The following OPCML variants were observed in gnomAD, a reference collection of about 807,000 sequenced individuals.
OPCML encodes the protein opioid-binding protein/cell adhesion molecule.
In OPCML, 13 loss-of-function variants were observed where a neutral mutation model predicts 37.8. The ratio of observed to expected loss-of-function variants is 0.34; its 90% CI spans 0.22 to 0.55. OPCML has a LOEUF of 0.55. OPCML is among the 20% of genes least tolerant of loss of function. The pLI, the probability that OPCML is intolerant of heterozygous loss-of-function variation, is 0.91. For synonymous variants in OPCML, 176 were observed against 168.8 expected (o/e 1.04, Z -0.33); for missense variants, 341 against 435.6 (o/e 0.78, Z 1.93).
At position 132,537,039 on chromosome 11, in the gene OPCML, A is replaced by G. The variant is rs540731761; in HGVS notation, c.380-7853T>C. 1.0e-3 allele frequency among the ~76,000 whole-genome samples: 152 copies of G among 152,294 alleles called. 3 individuals carry two copies. The South Asian group carries it at 0.03, about 31-fold the overall frequency. On this transcript the variant is annotated intron_variant, in intron 3 of 7. Coordinates refer to ENST00000524381, the MANE Select transcript of OPCML (RefSeq NM_001012393.5). ...TTCTGGTCTAAAACCCTGGGAGCCG[A>G]TGGTCTTTCAGCAACAAGTTGGGTC...
intron 2 of OPCML, among the ~76,000 whole-genome samples, chr11:132,743,662 G>A (rs1250872409): frequency 6.6e-6 from 1 of 152,142 alleles, no homozygotes; most frequent in Non-Finnish European, 1.5e-5. Context: ...TTAGAATCCA[G>A]ATTAAAACAT....
At chr11:133,272,979 A>G (rs200762942) in intron 1 of OPCML, among the ~76,000 whole-genome samples, 1 of 152,176 alleles carries the variant, frequency 6.6e-6, no homozygotes, top group East Asian at 1.9e-4. Flanking sequence ...ATAAGATGAC[A>G]GTCTAGAACA....
At chr11:133,531,500 C>T (rs541194866) in intron 1 of OPCML, among the ~76,000 whole-genome samples, 4 of 152,154 alleles carry the variant, frequency 2.6e-5, no homozygotes, top group East Asian at 3.9e-4. Flanking sequence ...ATATTCCTGA[C>T]GTAAGGAACA....
At chr11:133,445,232 C>T (rs1326826498) in intron 1 of OPCML, among the ~76,000 whole-genome samples, 1 of 152,204 alleles carries the variant, frequency 6.6e-6, no homozygotes, top group African/African-American at 2.4e-5. Context: ...AACCCATCTA[C>T]ACAATTTCAG....
intron 1 of OPCML, chr11:133,421,387 CAGA>C (rs1215010311): frequency 4.1e-6 from 4 of 985,254 alleles, no homozygotes; most frequent in East Asian, 1.1e-4. Flanking sequence ...ACTCGGAGAC[CAGA>C]AGAAGAGAAA....
chr11:133,263,829 C>T (rs1316061622), intron 1 of OPCML, among the ~76,000 whole-genome samples: 3 of 152,144 alleles, frequency 2.0e-5, no homozygotes, highest in African/African-American at 7.2e-5. Flanking sequence ...ATTCCCCACT[C>T]CAAAAATCTG....
Position 133,057,920 on chromosome 11 carries a change from C to T in OPCML, c.62-114910G>A, listed in dbSNP as rs74415999. 2.3e-3 allele frequency among the ~76,000 whole-genome samples: 357 copies of T among 152,294 alleles called. 1 individual carries two copies. The highest frequency in any genetic ancestry group is 4.1e-3 in the Non-Finnish European group (276 of 68,022). On this transcript the variant is annotated intron_variant, in intron 1 of 7. Coordinates refer to ENST00000524381, the MANE Select transcript of OPCML (RefSeq NM_001012393.5). ...TAATTAAACACCCTATCTTTTCTAA[C>T]CCTGTACATCTGTTTTCTTTAGAAC...
intron 3 of OPCML, among the ~76,000 whole-genome samples, chr11:132,604,458 G>C (rs1565703115): frequency 6.6e-6 from 1 of 151,924 alleles, no homozygotes; most frequent in Non-Finnish European, 1.5e-5. Flanking sequence ...CATTCCTGAA[G>C]CCTCAGCTCT....
At chr11:132,814,786 G>A (rs554210572) in intron 2 of OPCML, among the ~76,000 whole-genome samples, 1 of 152,186 alleles carries the variant, frequency 6.6e-6, no homozygotes, top group Non-Finnish European at 1.5e-5. Flanking sequence ...GGGCTGTGGA[G>A]GAATTAGGAT....
chr11:133,241,855 T>A (rs1940743955), intron 1 of OPCML, among the ~76,000 whole-genome samples: 1 of 152,198 alleles, frequency 6.6e-6, no homozygotes, highest in South Asian at 2.1e-4. Context: ...CACGCATGTA[T>A]TTTTCAGGCG....
At chr11:133,457,765 T>C (rs1946703691) in intron 1 of OPCML, among the ~76,000 whole-genome samples, 1 of 152,130 alleles carries the variant, frequency 6.6e-6, no homozygotes, top group Non-Finnish European at 1.5e-5. Context: ...AGAGCGGACG[T>C]AGTTCATTAC....
intron 3 of OPCML, among the ~76,000 whole-genome samples, chr11:132,619,717 TGGC>T (rs1939281269): frequency 6.7e-6 from 1 of 148,966 alleles, no homozygotes; most frequent in South Asian, 2.1e-4. Flanking sequence ...CCGGGCGTGG[TGGC>T]GGGCGCCTGT....
intron 2 of OPCML, among the ~76,000 whole-genome samples, chr11:132,716,250 G>T (rs1944471784): frequency 6.6e-6 from 1 of 152,164 alleles, no homozygotes; most frequent in Non-Finnish European, 1.5e-5. Flanking sequence ...ACTGACCTGG[G>T]AATCCCAGAG....
intron 3 of OPCML, among the ~76,000 whole-genome samples, chr11:132,558,687 G>C (rs1010751651): frequency 6.6e-6 from 1 of 151,276 alleles, no homozygotes; most frequent in Non-Finnish European, 1.5e-5. Context: ...TCATTTAACA[G>C]ACTAAAATAC....
chr11:133,007,423 G>C, intron 1 of OPCML: 1 of 985,408 alleles, frequency 1.0e-6, no homozygotes, highest in Non-Finnish European at 1.2e-6. Context: ...AAAGAATGCT[G>C]TTACCAGTTT....
intron 2 of OPCML, among the ~76,000 whole-genome samples, chr11:132,807,962 C>T (rs1939110883): frequency 1.3e-5 from 2 of 152,198 alleles, no homozygotes; most frequent in African/African-American, 4.8e-5. Context: ...TGAAAGAAAT[C>T]ACGTATTACA....
At chr11:133,429,159 A>T (rs1332501813) in intron 1 of OPCML, among the ~76,000 whole-genome samples, 1 of 152,210 alleles carries the variant, frequency 6.6e-6, no homozygotes, top group Non-Finnish European at 1.5e-5. Flanking sequence ...TTTTGAGCAA[A>T]GATTTTAAAA....
intron 2 of OPCML, among the ~76,000 whole-genome samples, chr11:132,708,228 T>C (rs912046424): frequency 2.0e-5 from 3 of 152,238 alleles, no homozygotes; most frequent in African/African-American, 7.2e-5. Context: ...GGTCTTTCTA[T>C]TGTACAGTTA....
At chr11:133,049,837 C>T (rs7933468) in intron 1 of OPCML, among the ~76,000 whole-genome samples, 1 of 152,192 alleles carries the variant, frequency 6.6e-6, no homozygotes, top group African/African-American at 2.4e-5. Context: ...TAGTGTATTT[C>T]CAGTTAGCTG....
Sources: gnomAD v4.1 joint callset for allele counts (sites outside exome capture counted in the v4.1 genomes callset) on GRCh38, gnomAD v4.1.1 for gene constraint, MANE v1.5 for transcripts, NCBI Gene and HGNC (gene_info 2026-07-23, HGNC 2026-07-21) for gene names.